The following STIMATE variants were observed in gnomAD, a reference collection of about 807,000 sequenced individuals.
The protein encoded by STIMATE is STIM activating enhancer, also known as store-operated calcium entry regulator STIMATE.
Under a neutral mutation model 36.7 loss-of-function variants are expected in STIMATE, and 15 were observed. The observed-to-expected ratio is 0.41, with a 90% CI of 0.27 to 0.63. STIMATE has a LOEUF of 0.63. STIMATE is among the 20% of genes least tolerant of loss of function. The probability of loss-of-function intolerance (pLI) is 0.32; values close to 1 mark genes in which losing one functional copy is unlikely to be tolerated. For synonymous variants in STIMATE, 163 were observed against 162.3 expected (o/e 1.00, Z -0.03); for missense variants, 305 against 397.3 (o/e 0.77, Z 1.98).
chr3:52,892,398 C>A (rs1194735960), intron 1 of STIMATE, among the ~76,000 whole-genome samples: 1 of 152,148 alleles, frequency 6.6e-6, no homozygotes, highest in Admixed American at 6.5e-5. Context: ...AACCTGAAAA[C>A]TTTCTAAAAA....
chr3:52,842,340 A>C lies in STIMATE; in HGVS notation c.768+471T>G, dbSNP rs576309415. ...CCTTGAACTCAGAAGACCAGAAAAT[A>C]AGGGGGGGATGAGTTTCCTCCTGCA... On this transcript the variant is annotated intron_variant, in intron 7 of 7. Coordinates refer to ENST00000355083, the MANE Select transcript of STIMATE (RefSeq NM_198563.5). Among the ~76,000 whole-genome samples, 7 of 152,330 alleles carry C rather than the reference A, an allele frequency of 4.6e-5. No homozygotes were observed. The South Asian group carries it at 1.4e-3, about 32-fold the overall frequency.
In STIMATE at chr3:52,837,773, C is replaced by T. The variant is rs552172530; in HGVS notation, c.*2721G>A. On this transcript the variant is annotated 3_prime_UTR_variant, in exon 8 of 8. Transcript: ENST00000355083. Reference sequence around the variant, plus strand: ...GCCAACGTCCCACCATTTCTCAACACGGTGATGGATGCCATGTGGCCAGGT... The same window carrying T: ...GCCAACGTCCCACCATTTCTCAACATGGTGATGGATGCCATGTGGCCAGGT... The T allele has an allele frequency of 1.3e-5, 2 of 152,214 alleles. No individual in the cohort carries two copies. Among genetic ancestry groups the T allele is most frequent in the African/African-American group, 2.4e-5 (1 of 41,436 alleles). 9.4% of individuals were successfully genotyped at this position (152,214 alleles called of 1,614,324 possible).
In STIMATE at chr3:52,843,798, C is replaced by T. The variant is rs1700849577; in HGVS notation, c.541G>A (p.Val181Met). Residue 181 changes from valine to methionine, a missense_variant and splice_region_variant, in exon 6 of 8, where the codon GTG (valine) becomes ATG (methionine). Coordinates refer to ENST00000355083, the MANE Select transcript of STIMATE (RefSeq NM_198563.5). ...IVLLILQWKK[V>M]ALLNPIENPD... ...TTTTCAATGGGATTCAACAGGGCCA[C>T]CTGTAAAGAGAAGCAGACTCAGTGA... 1.2e-6 allele frequency: 2 copies of T among 1,613,698 alleles called. No homozygotes were observed. The highest frequency in any genetic ancestry group is 2.7e-5 in the African/African-American group (2 of 74,836).
At chr3:52,875,770 A>C (rs1701494467) in intron 1 of STIMATE, among the ~76,000 whole-genome samples, 1 of 152,242 alleles carries the variant, frequency 6.6e-6, no homozygotes, top group Non-Finnish European at 1.5e-5. Flanking sequence ...GGTTTCATTC[A>C]TAAAGATGAT....
At chr3:52,854,675 G>A (rs1418012343) in intron 2 of STIMATE, among the ~76,000 whole-genome samples, 1 of 152,216 alleles carries the variant, frequency 6.6e-6, no homozygotes, top group Non-Finnish European at 1.5e-5. Flanking sequence ...GGGAAGTGGG[G>A]GTTGTGGGAA....
intron 5 of STIMATE, 137 bp downstream of exon 5, chr3:52,844,692 C>T: frequency 1.1e-6 from 1 of 937,672 alleles, no homozygotes; most frequent in South Asian, 1.7e-5. Flanking sequence ...GTAGTTGCCA[C>T]ATCAGACCAA....
At chr3:52,850,171 G>A (rs1043797577) in intron 3 of STIMATE, among the ~76,000 whole-genome samples, 15 of 152,174 alleles carry the variant, frequency 9.9e-5, no homozygotes, top group African/African-American at 3.4e-4. Flanking sequence ...GGTGGCTCAC[G>A]CCTCTAATCC....
chr3:52,852,827 G>A (rs1200093731), intron 2 of STIMATE, 129 bp from the exon 3 acceptor site: 3 of 1,134,800 alleles, frequency 2.6e-6, no homozygotes, highest in Non-Finnish European at 2.5e-6. Flanking sequence ...CTCTTCCTGG[G>A]GCCTTGAGCA....
At chr3:52,860,163 T>C (rs1349576548) in intron 1 of STIMATE, among the ~76,000 whole-genome samples, 1 of 148,154 alleles carries the variant, frequency 6.7e-6, no homozygotes, top group Non-Finnish European at 1.5e-5. Flanking sequence ...TCATCTACCA[T>C]CATATGTTAT....
chr3:52,843,305 C>A, intron 6 of STIMATE: 1 of 402,024 alleles, frequency 2.5e-6, no homozygotes, highest in East Asian at 5.0e-5. Context: ...GCACACCCTG[C>A]TGTCATCTGT....
rs150703852 is a variant in STIMATE at position 52,872,004 on chromosome 3, C to T, written c.161-16560G>A. 7.9e-5 allele frequency among the ~76,000 whole-genome samples: 12 copies of T among 152,218 alleles called. No individual in the cohort carries two copies. In the East Asian group the frequency reaches 2.1e-3, roughly 27 times the overall value. Reference sequence around the variant, plus strand: ...CCCCTCTGGCTCATGCGGCACCTTCCGTCTGGAACACTCTTCTCCCGGGTC... The same window carrying T: ...CCCCTCTGGCTCATGCGGCACCTTCTGTCTGGAACACTCTTCTCCCGGGTC... On this transcript the variant is annotated intron_variant, in intron 1 of 7. Coordinates refer to ENST00000355083, the MANE Select transcript of STIMATE (RefSeq NM_198563.5).
At chr3:52,895,792 G>A in intron 1 of STIMATE, 1 of 1,046,620 alleles carries the variant, frequency 9.6e-7, no homozygotes, top group Middle Eastern at 2.5e-4. Context: ...GGGAGCAAAA[G>A]AAAAATTTAA....
At chr3:52,863,164 T>C (rs778998532) in intron 1 of STIMATE, among the ~76,000 whole-genome samples, 4 of 152,226 alleles carry the variant, frequency 2.6e-5, no homozygotes, top group Non-Finnish European at 5.9e-5. Flanking sequence ...TTTCTCTTTT[T>C]CTTTCAATGA....
chr3:52,881,511 T>C (rs542009645), intron 1 of STIMATE, among the ~76,000 whole-genome samples: 1 of 152,084 alleles, frequency 6.6e-6, no homozygotes, highest in Non-Finnish European at 1.5e-5. Flanking sequence ...GAGACCATCC[T>C]GGCTAACAAG....
chr3:52,843,054 T>G lies in STIMATE; in HGVS notation c.619-94A>C, dbSNP rs1578797594. The G allele has an allele frequency of 1.5e-5, 24 of 1,565,964 alleles. No homozygotes were observed. The East Asian group carries it at 5.3e-4, about 35-fold the overall frequency. ...ATCCGCCCACTCCCATTCCAGGTTA[T>G]AAGATCCAGAGCTATGGAAAGAAAA... On this transcript the variant is annotated intron_variant, in intron 6 of 7. Transcript: ENST00000355083.
intron 1 of STIMATE, among the ~76,000 whole-genome samples, chr3:52,864,864 A>G (rs982748672): frequency 6.6e-6 from 1 of 151,940 alleles, no homozygotes; most frequent in African/African-American, 2.4e-5. Flanking sequence ...CAAGTTCCTC[A>G]TCTCCATCTG....
intron 1 of STIMATE, among the ~76,000 whole-genome samples, chr3:52,860,501 C>T (rs1701199723): frequency 2.0e-5 from 3 of 152,090 alleles, no homozygotes; most frequent in South Asian, 2.1e-4. Context: ...GGACCTCCAC[C>T]GAGAACCCAG....
chr3:52,846,810 C>T (rs781462220), intron 4 of STIMATE, among the ~76,000 whole-genome samples: 6 of 152,204 alleles, frequency 3.9e-5, no homozygotes, highest in Non-Finnish European at 5.9e-5. Flanking sequence ...TTTCCTGATT[C>T]CTGTTTCACT....
intron 1 of STIMATE, chr3:52,895,987 A>G: frequency 7.8e-7 from 1 of 1,280,362 alleles, no homozygotes; most frequent in South Asian, 1.2e-5. Context: ...TGTTTAGCAG[A>G]GAAAAAGCAA....
Sources: allele counts gnomAD v4.1 joint callset (sites outside exome capture counted in the v4.1 genomes callset), GRCh38; gene constraint gnomAD v4.1.1; transcripts MANE v1.5; gene names NCBI Gene and HGNC (gene_info 2026-07-23, HGNC 2026-07-21).